The following CILP variants were observed in gnomAD, a reference collection of about 807,000 sequenced individuals.
CILP encodes the protein cartilage intermediate layer protein 1.
Under a neutral mutation model 82.5 loss-of-function variants are expected in CILP, and 75 were observed. The ratio of observed to expected loss-of-function variants is 0.91; its 90% confidence interval spans 0.75 to 1.10. The LOEUF (loss-of-function observed/expected upper bound fraction) is 1.10. Among genes scored for constraint, CILP ranks in the 50% least tolerant of loss-of-function variants. The pLI, the probability that CILP is intolerant of heterozygous loss-of-function variation, is 0.00. For synonymous variants in CILP, 530 were observed against 580.3 expected (o/e 0.91, Z 1.25); for missense variants, 1,479 against 1,530.8 (o/e 0.97, Z 0.56).
chr15:65,199,745 C>A (rs2088427211), intron 8 of CILP, among the ~76,000 whole-genome samples: 1 of 152,204 alleles, frequency 6.6e-6, no homozygotes. Context: ...ATTGCTTGAG[C>A]CTGGAAAGTC....
chr15:65,203,270 G>T, intron 7 of CILP, 92 bp downstream of exon 7: 1 of 821,234 alleles, frequency 1.2e-6, no homozygotes, highest in Non-Finnish European at 2.0e-6. Context: ...TTATTCTGTT[G>T]GTTATTGTTC....
chr15:65,209,226 G>A (rs538265647), intron 2 of CILP, among the ~76,000 whole-genome samples: 4 of 152,016 alleles, frequency 2.6e-5, no homozygotes, highest in Non-Finnish European at 4.4e-5. Flanking sequence ...CAAGGAGACC[G>A]GAAGGGGTTC....
chr15:65,210,279 A>C (rs1342847343), intron 1 of CILP, among the ~76,000 whole-genome samples: 2 of 152,134 alleles, frequency 1.3e-5, no homozygotes, highest in East Asian at 3.8e-4. Flanking sequence ...GGCCGTGAAG[A>C]CTTGGCTCCG....
chr15:65,205,355 G>A lies in CILP; in HGVS notation c.536C>T (p.Ala179Val). ...CTCACTGCACAGCGACACCATCTCTGCCAAGCAAATGCGTGTGCGAGTCTG... is the reference window on the plus strand; with the variant it reads ...CTCACTGCACAGCGACACCATCTCTACCAAGCAAATGCGTGTGCGAGTCTG... ...GVQTRTRICL[A>V]EMVSLCSEAS... The change falls in exon 5 of 9, where the codon GCA becomes GTA. Residue 179 changes from alanine (A) to valine (V), a missense_variant. Coordinates refer to ENST00000261883, the MANE Select transcript of CILP (RefSeq NM_003613.4). 1 of 1,614,104 alleles carries A rather than the reference G, an allele frequency of 6.2e-7. No individual in the cohort carries two copies. Among genetic ancestry groups the A allele is most frequent in the Non-Finnish European group, 8.5e-7 (1 of 1,180,032 alleles).
rs367610124 is a variant in CILP, at chr15:65,207,779, G to C, written c.62-15C>G. ...CGTCTGTCTCCCTGAGGGCCAGAAG[G>C]AGAAGCTAAGTGAGAGGCCAGGACT... On this transcript the variant is annotated splice_polypyrimidine_tract_variant and intron_variant, in intron 2 of 8. Transcript: ENST00000261883. 1.2e-6 allele frequency: 2 copies of C among 1,609,184 alleles called. No homozygotes were observed. Among genetic ancestry groups the C allele is most frequent in the African/African-American group, 2.7e-5 (2 of 74,818 alleles).
Position 65,197,607 on chromosome 15 carries a change from G to C in CILP, c.2679C>G (p.Ile893Met). The C allele has an allele frequency of 6.2e-7, 1 of 1,614,238 alleles. No homozygotes were observed. The highest frequency in any genetic ancestry group is 2.2e-5 in the East Asian group (1 of 44,890). The change falls in exon 9 of 9, where the codon ATC (isoleucine) becomes ATG (methionine). Residue 893 changes from isoleucine to methionine, a missense_variant. Transcript: ENST00000261883. ...ATGCCCGGAGGTTCTCAAAGGCATA[G>C]ATGGGCCCATTGCTCTCCTCAGCTG... ...PNSAEESNGPIYAFENLRACE... is the reference protein window; with the variant it reads ...PNSAEESNGPMYAFENLRACE...
Position 65,204,520 on chromosome 15 carries a change from C to A in CILP, c.667G>T (p.Asp223Tyr). Residue 223 changes from aspartate to tyrosine, a missense_variant, in exon 6 of 9, where the codon GAC becomes TAC. By Grantham distance (160) the Asp-to-Tyr change is radical. Transcript: ENST00000261883. ...NADCDACMCQ[D>Y]FMLHGAVSLP... ...GAGACAGCCCCATGAAGCATGAAGTCCTGGCACATGCAGGCATCACAGTCA... is the reference window on the plus strand; with the variant it reads ...GAGACAGCCCCATGAAGCATGAAGTACTGGCACATGCAGGCATCACAGTCA... 1 of 1,613,666 alleles carries A rather than the reference C, an allele frequency of 6.2e-7. No individual in the cohort carries two copies. Among genetic ancestry groups the A allele is most frequent in the Non-Finnish European group, 8.5e-7 (1 of 1,179,892 alleles).
chr15:65,208,878 C>A (rs1256967728), intron 2 of CILP, among the ~76,000 whole-genome samples: 2 of 152,126 alleles, frequency 1.3e-5, no homozygotes, highest in East Asian at 3.9e-4. Flanking sequence ...TCACAAGCAG[C>A]AGCTGTCAGG....
rs746397287 is a variant in CILP at position 65,207,158 on chromosome 15, T to C, written c.155-107A>G. ...GGCCTCAGGCCCTATCACATTTGTC[T>C]CTCCAGTATCTCTCCAATCCCCTCT... On this transcript the variant is annotated intron_variant, in intron 3 of 8. Transcript: ENST00000261883. 6.6e-5 allele frequency: 81 copies of C among 1,226,074 alleles called. 1 individual carries two copies. In the Middle Eastern group the frequency reaches 1.3e-3, roughly 19 times the overall value. 75.9% of individuals were successfully genotyped at this position (1,226,074 alleles called of 1,614,324 possible).
chr15:65,205,880 T>C (rs976349826), intron 4 of CILP, among the ~76,000 whole-genome samples: 6 of 152,184 alleles, frequency 3.9e-5, no homozygotes, highest in Non-Finnish European at 8.8e-5. Context: ...AGAAGCCCAT[T>C]TCTGCCCACC....
In CILP at chr15:65,206,921, C is replaced by T. The variant is rs1211231535; in HGVS notation, c.285G>A (p.Arg95=). ...TGCCCGCAGGTGTCCAGTCAGTGGT[C>T]CGAGCCTCTAGCCGCAGGGGACGGG... is the stretch of plus-strand genomic sequence containing the variant. ...VCARPLRLEA[R]TTDWTPAGST... is the part of the protein sequence containing the mutation. Residue 95 remains arginine, a synonymous_variant, in exon 4 of 9, where the codon CGG becomes CGA. Coordinates refer to ENST00000261883, the MANE Select transcript of CILP (RefSeq NM_003613.4). 3 of 1,613,846 alleles carry T rather than the reference C, an allele frequency of 1.9e-6. No individual in the cohort carries two copies. Among genetic ancestry groups the T allele is most frequent in the Non-Finnish European group, 1.7e-6 (2 of 1,179,998 alleles).
chr15:65,198,760 T>C lies in CILP; in HGVS notation c.1526A>G (p.His509Arg). Residue 509 changes from histidine to arginine, a missense_variant, in exon 9 of 9, where the codon CAT becomes CGT. Physicochemically the swap from His to Arg is conservative, Grantham distance 29 (BLOSUM62 0). Coordinates refer to ENST00000261883, the MANE Select transcript of CILP (RefSeq NM_003613.4). ...TACACGGCTGTTCCCCATGTACACA[T>C]GGCCAAAGCGCATGGGCTCCCCATT... ...ADNGEPMRFG[H>R]VYMGNSRVSM... 28 of 1,614,190 alleles carry C rather than the reference T, an allele frequency of 1.7e-5. No homozygotes were observed. Among genetic ancestry groups the C allele is most frequent in the Non-Finnish European group, 2.3e-5 (27 of 1,180,038 alleles).
chr15:65,204,242 A>G (rs1324578305), intron 6 of CILP, 26 bp downstream of exon 6: 1 of 1,594,422 alleles, frequency 6.3e-7, no homozygotes. Flanking sequence ...CCTTCTCACC[A>G]GCCCTACCCC....
In CILP at chr15:65,195,718, T is replaced by A. The variant is rs1441107419; in HGVS notation, c.*1013A>T. ...TCAGACCCTGGGCCAAGCCATTGTATAAGCTCCAAAGTATTGGAAAGAAGG... is the reference window on the plus strand; with the variant it reads ...TCAGACCCTGGGCCAAGCCATTGTAAAAGCTCCAAAGTATTGGAAAGAAGG... On this transcript the variant is annotated 3_prime_UTR_variant, in exon 9 of 9. Coordinates refer to ENST00000261883, the MANE Select transcript of CILP (RefSeq NM_003613.4). The A allele has an allele frequency of 2.6e-5, 4 of 152,196 alleles. No individual in the cohort carries two copies. Among genetic ancestry groups the A allele is most frequent in the Non-Finnish European group, 4.4e-5 (3 of 68,048 alleles). 9.4% of individuals were successfully genotyped at this position (152,196 alleles called of 1,614,324 possible). A position where few individuals can be genotyped will look rare whatever the true frequency, so the allele number is the denominator to read the frequency against.
intron 2 of CILP, among the ~76,000 whole-genome samples, chr15:65,208,316 T>G (rs2088541639): frequency 6.6e-6 from 1 of 152,194 alleles, no homozygotes; most frequent in Admixed American, 6.5e-5. Context: ...TCTGCCAGTT[T>G]CTAACTGTGT....
At chr15:65,204,731 T>C (rs2088498355) in intron 5 of CILP, 149 bp from the exon 6 acceptor site, 2 of 860,310 alleles carry the variant, frequency 2.3e-6, no homozygotes, top group East Asian at 2.9e-5. Context: ...TTAAAACTTA[T>C]CCCAAGGCCA....
Position 65,196,645 on chromosome 15 carries a change from A to C in CILP, c.*86T>G. On this transcript the variant is annotated 3_prime_UTR_variant, in exon 9 of 9. Coordinates refer to ENST00000261883, the MANE Select transcript of CILP (RefSeq NM_003613.4). The stretch of plus-strand genomic sequence containing the variant: ...CAAATTCACGAAAACAGAAGTGCTT[A>C]AATTAACCAAGTGACAGTTTGTGCA... The C allele has an allele frequency of 8.1e-7, 1 of 1,233,544 alleles. No homozygotes were observed. The highest frequency in any genetic ancestry group is 1.1e-6 in the Non-Finnish European group (1 of 893,558). The allele number at this position is 1,233,544 out of a possible 1,614,324, so 76.4% of individuals were successfully genotyped here. A position where few individuals can be genotyped will look rare whatever the true frequency, so the allele number is the denominator to read the frequency against.
chr15:65,202,467 G>A (rs370024903), intron 7 of CILP, among the ~76,000 whole-genome samples: 11 of 151,444 alleles, frequency 7.3e-5, no homozygotes, highest in South Asian at 2.1e-4. Flanking sequence ...TTGCTCTGTC[G>A]CCTAGGCTAG....
At chr15:65,204,229 G>A (rs2088491297) in intron 6 of CILP, 39 bp downstream of exon 6, 1 of 1,564,110 alleles carries the variant, frequency 6.4e-7, no homozygotes, top group Non-Finnish European at 8.7e-7. Context: ...TTAAAAATCT[G>A]GACCTTCTCA....
Sources: allele counts gnomAD v4.1 joint callset (sites outside exome capture counted in the v4.1 genomes callset), GRCh38; gene constraint gnomAD v4.1.1; transcripts MANE v1.5; gene names NCBI Gene and HGNC (gene_info 2026-07-23, HGNC 2026-07-21).